Variants in LYN observed in about 807,000 individuals in gnomAD.
LYN encodes the protein LYN proto-oncogene, Src family tyrosine kinase.
LYN carries 12 observed loss-of-function variants against 65.0 expected under a neutral mutation model. That is an observed-to-expected ratio of 0.18 (90% confidence interval 0.12 to 0.30). LYN has a LOEUF of 0.30. LYN is among the 10% of genes least tolerant of loss of function. The pLI, the probability that LYN is intolerant of heterozygous loss-of-function variation, is 1.00. For synonymous variants in LYN, 222 were observed against 221.2 expected (o/e 1.00, Z -0.03); for missense variants, 380 against 623.2 (o/e 0.61, Z 4.16).
intron 2 of LYN, among the ~76,000 whole-genome samples, chr8:55,943,263 T>G (rs541902999): frequency 1.3e-5 from 2 of 152,338 alleles, no homozygotes; most frequent in Admixed American, 1.3e-4. Flanking sequence ...CTGCAGCATT[T>G]AAGCTGGAAA....
rs1340842382 is a variant in LYN, at chr8:56,012,064, C to T, written c.*1954C>T. Reference sequence around the variant, plus strand: ...TTCTCCCAGTTCCTCCTCTTCTTGCCATTTTCCACTTGTCTTTCCCTCCCA... The same window carrying T: ...TTCTCCCAGTTCCTCCTCTTCTTGCTATTTTCCACTTGTCTTTCCCTCCCA... On this transcript the variant is annotated 3_prime_UTR_variant, in exon 13 of 13. Transcript: ENST00000519728. 1.0e-5 allele frequency: 2 copies of T among 190,808 alleles called. No homozygotes were observed. The allele number at this position is 190,808 out of a possible 1,614,324, so 11.8% of individuals were successfully genotyped here.
At chr8:55,917,978 G>A (rs146982629) in intron 1 of LYN, among the ~76,000 whole-genome samples, 5 of 152,328 alleles carry the variant, frequency 3.3e-5, no homozygotes, top group African/African-American at 9.6e-5. Flanking sequence ...AGCAGAAATG[G>A]GGGATTTATT....
At chr8:55,917,037 C>T (rs1409720463) in intron 1 of LYN, among the ~76,000 whole-genome samples, 3 of 151,808 alleles carry the variant, frequency 2.0e-5, no homozygotes, top group Non-Finnish European at 2.9e-5. Flanking sequence ...ATTAGCCAGG[C>T]GCCGTGGTGC....
intron 1 of LYN, among the ~76,000 whole-genome samples, chr8:55,885,510 G>A (rs543835430): frequency 6.6e-6 from 1 of 152,292 alleles, no homozygotes; most frequent in Admixed American, 6.5e-5. Context: ...ATCTGGTGGG[G>A]AGGTCTTCGT....
intron 8 of LYN, among the ~76,000 whole-genome samples, chr8:55,962,530 G>A (rs922722581): frequency 6.6e-6 from 1 of 150,762 alleles, no homozygotes; most frequent in South Asian, 2.1e-4. Context: ...ATCCCATGTC[G>A]TGTTGGTGAG....
intron 12 of LYN, among the ~76,000 whole-genome samples, chr8:56,008,995 T>TAAG (rs1274764455): frequency 6.6e-6 from 1 of 152,242 alleles, no homozygotes. Flanking sequence ...AATTAATCCC[T>TAAG]AAGTTTTTAA....
At chr8:56,002,963 C>T (rs1465787708) in intron 12 of LYN, among the ~76,000 whole-genome samples, 3 of 151,950 alleles carry the variant, frequency 2.0e-5, no homozygotes, top group Non-Finnish European at 4.4e-5. Flanking sequence ...ATTTTCCACA[C>T]GGTTATAAAA....
At chr8:55,891,009 A>G (rs1001234974) in intron 1 of LYN, among the ~76,000 whole-genome samples, 1 of 151,130 alleles carries the variant, frequency 6.6e-6, no homozygotes, top group Non-Finnish European at 1.5e-5. Flanking sequence ...GATTGCAGGC[A>G]TGAACCACCG....
At chr8:55,971,499 T>A (rs1412692530) in intron 10 of LYN, among the ~76,000 whole-genome samples, 1 of 152,204 alleles carries the variant, frequency 6.6e-6, no homozygotes, top group African/African-American at 2.4e-5. Flanking sequence ...TAACAAAGGT[T>A]TGTCACACTT....
chr8:56,005,841 T>C (rs1034029789), intron 12 of LYN, among the ~76,000 whole-genome samples: 6 of 152,130 alleles, frequency 3.9e-5, no homozygotes, highest in Non-Finnish European at 5.9e-5. Flanking sequence ...CCCAGCACTT[T>C]GGGAGGCCGA....
chr8:55,887,099 T>C (rs548698878), intron 1 of LYN, among the ~76,000 whole-genome samples: 1 of 152,348 alleles, frequency 6.6e-6, no homozygotes, highest in South Asian at 2.1e-4. Flanking sequence ...TTTGTAAATA[T>C]CTTAAAAGAT....
rs780021990 is a variant in LYN at position 55,966,722 on chromosome 8, T to C, written c.798T>C (p.Tyr266=). 40 of 1,612,278 alleles carry C rather than the reference T, an allele frequency of 2.5e-5. No individual in the cohort carries two copies. Among genetic ancestry groups the C allele is most frequent in the Non-Finnish European group, 3.3e-5 (39 of 1,179,444 alleles). The change falls in exon 9 of 13, where the codon TAT becomes TAC. Residue 266 remains tyrosine (Y), a synonymous_variant. Transcript: ENST00000519728. ...CTTCTTTTTTCTTCCTAGGTTACTA[T>C]AACAACAGTACCAAGGTGGCTGTGA... The part of the protein sequence containing the change: ...GQFGEVWMGY[Y]NNSTKVAVKT...
intron 1 of LYN, among the ~76,000 whole-genome samples, chr8:55,897,918 A>G (rs566169297): frequency 2.0e-5 from 3 of 152,296 alleles, no homozygotes; most frequent in South Asian, 2.1e-4. Context: ...CTCACAAACA[A>G]CAACAACAAC....
At chr8:55,930,038 G>T (rs575384369) in intron 1 of LYN, among the ~76,000 whole-genome samples, 1 of 152,192 alleles carries the variant, frequency 6.6e-6, no homozygotes, top group Admixed American at 6.5e-5. Context: ...GAACCCCATC[G>T]TGAACTGCAC....
chr8:55,938,761 C>G (rs1806513827), intron 1 of LYN, among the ~76,000 whole-genome samples: 1 of 152,204 alleles, frequency 6.6e-6, no homozygotes, highest in African/African-American at 2.4e-5. Flanking sequence ...ATGAAACATG[C>G]ATTTCAAAAT....
intron 11 of LYN, 115 bp downstream of exon 11, chr8:55,998,614 C>T (rs1350098033): frequency 1.1e-6 from 1 of 917,640 alleles, no homozygotes; most frequent in Admixed American, 2.2e-5. Context: ...TTTGGTACAA[C>T]ATTTAAGCTG....
At chr8:55,921,967 G>C (rs1805958732) in intron 1 of LYN, among the ~76,000 whole-genome samples, 1 of 152,190 alleles carries the variant, frequency 6.6e-6, no homozygotes, top group African/African-American at 2.4e-5. Flanking sequence ...TGCTCTCATG[G>C]AGCTTACAGT....
In LYN at chr8:55,986,123, C is replaced by T. The variant is rs552914157; in HGVS notation, c.1051-12223C>T. 2.5e-4 allele frequency among the ~76,000 whole-genome samples: 38 copies of T among 152,048 alleles called. 2 individuals are homozygous for T. The South Asian group carries it at 7.7e-3, about 31-fold the overall frequency. ...GGTTGAGGCTGCAGTGAGCTGTGAT[C>T]CTGCCACTGCTCTCTGTCCTGGGCA... is the stretch of plus-strand genomic sequence containing the variant. On this transcript the variant is annotated intron_variant, in intron 10 of 12. Coordinates refer to ENST00000519728, the MANE Select transcript of LYN (RefSeq NM_002350.4).
chr8:55,900,777 ACTTTT>A (rs1253990431), intron 1 of LYN, among the ~76,000 whole-genome samples: 1 of 152,148 alleles, frequency 6.6e-6, no homozygotes, highest in Non-Finnish European at 1.5e-5. Context: ...TGTATCTCAT[ACTTTT>A]CTTTTGCTAA....
Sources: gnomAD v4.1 joint callset for allele counts (sites outside exome capture counted in the v4.1 genomes callset) on GRCh38, gnomAD v4.1.1 for gene constraint, MANE v1.5 for transcripts, NCBI Gene and HGNC (gene_info 2026-07-23, HGNC 2026-07-21) for gene names.